The following ROBO2 variants were observed in gnomAD, a reference collection of about 807,000 sequenced individuals.
ROBO2 encodes the protein roundabout homolog 2.
Under a neutral mutation model 160.8 loss-of-function variants are expected in ROBO2, and 53 were observed. That is an observed-to-expected ratio of 0.33 (90% confidence interval 0.26 to 0.41). The LOEUF (loss-of-function observed/expected upper bound fraction) is 0.41, where lower values mean the gene tolerates loss of function less well. ROBO2 is among the 10% of genes least tolerant of loss of function. ROBO2 has a pLI of 1.00. For missense variants in ROBO2, 1,577 were observed against 1,722.4 expected (o/e 0.92, Z 1.49); for synonymous variants, 664 against 611.7 (o/e 1.09, Z -1.26).
At chr3:77,344,513 G>A (rs1334566148) in intron 2 of ROBO2, among the ~76,000 whole-genome samples, 1 of 152,126 alleles carries the variant, frequency 6.6e-6, no homozygotes, top group East Asian at 1.9e-4. Context: ...TCTACCAGGT[G>A]AGGACACAGC....
Position 76,321,850 on chromosome 3 carries a change from A to G in ROBO2, c.109+384248A>G, listed in dbSNP as rs1022727432. On this transcript the variant is annotated intron_variant, in intron 2 of 26. Transcript: ENST00000487694. The stretch of plus-strand genomic sequence containing the variant: ...TTTAGGGAACAATTCTGTGTGCGTT[A>G]CCTGGGTGACAAACTTTCTTACCGG... 1.2e-3 allele frequency among the ~76,000 whole-genome samples: 189 copies of G among 152,226 alleles called. 4 individuals are homozygous for G. The highest frequency in any genetic ancestry group is 1.0e-3 in the Admixed American group (16 of 15,286).
intron 2 of ROBO2, among the ~76,000 whole-genome samples, chr3:76,944,402 A>G (rs2078385700): frequency 6.6e-6 from 1 of 152,230 alleles, no homozygotes; most frequent in Admixed American, 6.5e-5. Flanking sequence ...CAGAATAAAT[A>G]AAACACAATT....
intron 2 of ROBO2, among the ~76,000 whole-genome samples, chr3:76,483,379 A>G (rs1291376272): frequency 1.3e-5 from 2 of 150,486 alleles, no homozygotes; most frequent in East Asian, 3.9e-4. Flanking sequence ...ACCTTGGTAT[A>G]TTGTGTGATG....
intron 2 of ROBO2, among the ~76,000 whole-genome samples, chr3:76,972,053 A>G (rs1042222060): frequency 3.9e-5 from 6 of 152,242 alleles, no homozygotes; most frequent in Admixed American, 2.0e-4. Context: ...ACCATATTGA[A>G]GATGGTATTT....
chr3:77,142,288 T>A (rs190496933), intron 2 of ROBO2, among the ~76,000 whole-genome samples: 269 of 152,350 alleles, frequency 1.8e-3, no homozygotes, highest in Non-Finnish European at 2.5e-3. Context: ...TGATAAAGTC[T>A]TAAACTCTTA....
At chr3:75,992,837 A>G (rs537266651) in intron 2 of ROBO2, among the ~76,000 whole-genome samples, 19 of 152,322 alleles carry the variant, frequency 1.2e-4, no homozygotes, top group African/African-American at 4.3e-4. Context: ...CATGACATGG[A>G]TGGGAGACAT....
chr3:76,074,343 G>A (rs1266163990), intron 2 of ROBO2, among the ~76,000 whole-genome samples: 5 of 152,196 alleles, frequency 3.3e-5, no homozygotes, highest in Admixed American at 3.3e-4. Flanking sequence ...AAGGAAATAA[G>A]CCAAGGAAAA....
At chr3:77,167,752 T>C (rs1161689075) in intron 2 of ROBO2, among the ~76,000 whole-genome samples, 2 of 152,220 alleles carry the variant, frequency 1.3e-5, no homozygotes, top group African/African-American at 2.4e-5. Flanking sequence ...TTTTTTAATA[T>C]GCTGAATTAG....
chr3:76,767,971 G>A (rs2061664381), intron 2 of ROBO2, among the ~76,000 whole-genome samples: 1 of 151,458 alleles, frequency 6.6e-6, no homozygotes, highest in Non-Finnish European at 1.5e-5. Flanking sequence ...TTGGTAGTAA[G>A]TAAAGAATCA....
chr3:77,555,479 A>C (rs2093080050), intron 8 of ROBO2, among the ~76,000 whole-genome samples: 1 of 152,038 alleles, frequency 6.6e-6, no homozygotes, highest in Admixed American at 6.6e-5. Flanking sequence ...TTTACTGATC[A>C]TAGATTAAGC....
At chr3:76,495,378 C>T (rs1033367660) in intron 2 of ROBO2, among the ~76,000 whole-genome samples, 6 of 151,848 alleles carry the variant, frequency 4.0e-5, no homozygotes, top group South Asian at 2.1e-4. Flanking sequence ...TGCTAAAACA[C>T]GCCCTGTCAT....
chr3:77,511,410 G>A (rs1366930462), intron 5 of ROBO2, among the ~76,000 whole-genome samples: 3 of 151,984 alleles, frequency 2.0e-5, no homozygotes, highest in South Asian at 4.2e-4. Context: ...CTCCAAGGTG[G>A]TCAGTACCCA....
At chr3:76,046,737 A>G (rs904471746) in intron 2 of ROBO2, among the ~76,000 whole-genome samples, 1 of 151,794 alleles carries the variant, frequency 6.6e-6, no homozygotes, top group Non-Finnish European at 1.5e-5. Flanking sequence ...TCCTCATAAA[A>G]CCTTCTCTTT....
At chr3:76,869,582 CTCGTGA>C (rs1282038675) in intron 2 of ROBO2, among the ~76,000 whole-genome samples, 2 of 151,898 alleles carry the variant, frequency 1.3e-5, no homozygotes, top group African/African-American at 4.8e-5. Context: ...ATCTCCTGAC[CTCGTGA>C]TCCGCCCGCC....
intron 2 of ROBO2, among the ~76,000 whole-genome samples, chr3:76,442,517 G>T (rs1157962861): frequency 6.6e-6 from 1 of 152,170 alleles, no homozygotes; most frequent in Non-Finnish European, 1.5e-5. Context: ...TGCTATAGAA[G>T]TACAAGCAGC....
chr3:76,383,182 A>C (rs2076721195), intron 2 of ROBO2, among the ~76,000 whole-genome samples: 1 of 152,210 alleles, frequency 6.6e-6, no homozygotes, highest in Non-Finnish European at 1.5e-5. Flanking sequence ...ATTTTAACAT[A>C]ATTTCAAGGC....
In ROBO2 at chr3:77,577,546, A is replaced by T. The variant is rs370390840; in HGVS notation, c.2260A>T (p.Thr754Ser). 1.5e-5 allele frequency: 24 copies of T among 1,613,284 alleles called. No homozygotes were observed. The African/African-American group carries it at 2.3e-4, about 15-fold the overall frequency. The change falls in exon 15 of 26, where the codon ACA becomes TCA. Residue 754 changes from threonine (T) to serine (S), a missense_variant. By Grantham distance (58) the Thr-to-Ser change is moderately conservative (BLOSUM62 1). This residue lies in a region of ROBO2 where 940 missense variants were observed against 1,135.5 expected (regional missense o/e 0.83). Transcript: ENST00000461745. ...ACTGACAGTTGGAAGCTACAATAGC[A>T]CAAGTATTAGTGTTTCCTGGGATCC...
intron 2 of ROBO2, among the ~76,000 whole-genome samples, chr3:76,834,562 G>A (rs1028762555): frequency 1.3e-5 from 2 of 151,818 alleles, no homozygotes; most frequent in African/African-American, 4.8e-5. Context: ...TTGTAGAGAC[G>A]GGTTTCAACA....
chr3:76,363,806 T>A (rs904832956), intron 2 of ROBO2, among the ~76,000 whole-genome samples: 3 of 152,104 alleles, frequency 2.0e-5, no homozygotes, highest in Non-Finnish European at 4.4e-5. Flanking sequence ...AGTTTTTTTT[T>A]TAAATGTTTT....
Sources: gnomAD v4.1 joint callset for allele counts (sites outside exome capture counted in the v4.1 genomes callset) on GRCh38, gnomAD v4.1.1 for gene constraint, gnomAD v4.1.1 regional missense constraint, MANE v1.5 for transcripts, NCBI Gene and HGNC (gene_info 2026-07-23, HGNC 2026-07-21) for gene names.